The following HPS4 variants were observed in gnomAD, a reference collection of about 807,000 sequenced individuals.
HPS4 encodes the protein HPS4 biogenesis of lysosomal organelles complex 3 subunit 2, also known as BLOC-3 complex member HPS4.
HPS4 carries 44 observed loss-of-function variants against 70.3 expected under a neutral mutation model. The ratio of observed to expected loss-of-function variants is 0.63; its 90% CI spans 0.49 to 0.80. The LOEUF is 0.80. HPS4 is among the 30% of genes least tolerant of loss of function. The probability of loss-of-function intolerance (pLI) is 0.00; values close to 1 mark genes in which losing one functional copy is unlikely to be tolerated. For synonymous variants in HPS4, 377 were observed against 355.9 expected (o/e 1.06, Z -0.67); for missense variants, 873 against 884.4 (o/e 0.99, Z 0.16).
intron 1 of HPS4, 98 bp downstream of exon 1, chr22:26,483,576 T>C (rs572261491): frequency 1.2e-4 from 25 of 207,266 alleles, no homozygotes; most frequent in African/African-American, 4.4e-4. Context: ...GACTGGGAAA[T>C]GGTGGGCGAA....
downstream of HPS4, among the ~76,000 whole-genome samples, chr22:26,450,641 C>G (rs1193589087): frequency 2.6e-5 from 4 of 152,222 alleles, no homozygotes; most frequent in African/African-American, 9.6e-5. Flanking sequence ...ATAGTCCCCA[C>G]ATGTCGTGGG....
Position 26,453,168 on chromosome 22 carries a change from T to C in HPS4, c.*65A>G. ...AGAAAAATAAAATAGAGGGGCCTTT[T>C]CAATTATAAAAGGCAGAGCTTCCTT... On this transcript the variant is annotated 3_prime_UTR_variant, in exon 14 of 14. Transcript: ENST00000398145. The C allele has an allele frequency of 1.3e-6, 2 of 1,510,752 alleles. No homozygotes were observed. Among genetic ancestry groups the C allele is most frequent in the Non-Finnish European group, 1.8e-6 (2 of 1,094,546 alleles). The allele number at this position is 1,510,752 out of a possible 1,614,324, so 93.6% of individuals were successfully genotyped here.
downstream of HPS4, among the ~76,000 whole-genome samples, chr22:26,449,939 A>C (rs1478941972): frequency 6.6e-6 from 1 of 152,154 alleles, no homozygotes; most frequent in East Asian, 1.9e-4. Context: ...CGCACACTCT[A>C]GGGCAGAATC....
In HPS4 at chr22:26,453,165, T is replaced by C; in HGVS notation, c.*68A>G. On this transcript the variant is annotated 3_prime_UTR_variant, in exon 14 of 14. Transcript: ENST00000398145. ...TCAAGAAAAATAAAATAGAGGGGCC[T>C]TTTCAATTATAAAAGGCAGAGCTTC... 1 of 1,492,134 alleles carries C rather than the reference T, an allele frequency of 6.7e-7. No homozygotes were observed. Among genetic ancestry groups the C allele is most frequent in the African/African-American group, 1.4e-5 (1 of 72,184 alleles). The allele number at this position is 1,492,134 out of a possible 1,614,324, so 92.4% of individuals were successfully genotyped here. A position where few individuals can be genotyped will look rare whatever the true frequency, so the allele number is the denominator to read the frequency against.
At chr22:26,478,669 G>A (rs1351112546) in intron 3 of HPS4, among the ~76,000 whole-genome samples, 2 of 150,536 alleles carry the variant, frequency 1.3e-5, no homozygotes, top group Non-Finnish European at 3.0e-5. Flanking sequence ...TTTTGTATAT[G>A]TTTGAATACA....
chr22:26,465,590 AG>A lies in HPS4; in HGVS notation c.707-40del, dbSNP rs3216859. 231 of 1,542,366 alleles carry A rather than the reference AG, an allele frequency of 1.5e-4. No individual in the cohort carries two copies. The East Asian group carries it at 5.2e-3, about 35-fold the overall frequency. ...GCAATATGAACAGGACTTTCCCCTGAGCCAGAGAGGGCAGCGGGGCAATAGC... is the reference window on the plus strand; with the variant it reads ...GCAATATGAACAGGACTTTCCCCTGACCAGAGAGGGCAGCGGGGCAATAGC... On this transcript the variant is annotated intron_variant, in intron 9 of 13. Coordinates refer to ENST00000398145, the MANE Select transcript of HPS4 (RefSeq NM_022081.6).
At chr22:26,462,283 G>A (rs1464105706) in intron 11 of HPS4, among the ~76,000 whole-genome samples, 2 of 152,190 alleles carry the variant, frequency 1.3e-5, no homozygotes, top group Non-Finnish European at 2.9e-5. Flanking sequence ...CAAACCAGGG[G>A]ATATGGCCAT....
At chr22:26,466,174 T>C (rs934341634) in intron 9 of HPS4, 52 bp downstream of exon 9, 7 of 1,612,280 alleles carry the variant, frequency 4.3e-6, no homozygotes, top group East Asian at 2.2e-5. Context: ...CAGGGGTAGG[T>C]AGCATAAAAG....
downstream of HPS4, chr22:26,443,422 T>C (rs76832261): frequency 3.0e-4 from 149 of 502,214 alleles, no homozygotes; most frequent in Non-Finnish European, 4.7e-4. Context: ...TTTTTTTTTT[T>C]CCTTCCAATC....
chr22:26,466,286 T>C (rs1042981466), intron 8 of HPS4, 24 bp from the exon 9 acceptor site: 55 of 1,613,880 alleles, frequency 3.4e-5, no homozygotes, highest in African/African-American at 4.0e-5. Context: ...CACACAGAAG[T>C]TGGCGCTGGG....
chr22:26,471,299 T>C (rs995213101), intron 6 of HPS4: 8 of 451,486 alleles, frequency 1.8e-5, no homozygotes, highest in African/African-American at 1.4e-4. Flanking sequence ...CTCTATTCCA[T>C]CACATAAAAT....
intron 7 of HPS4, 44 bp from the exon 8 acceptor site, chr22:26,468,667 C>T: frequency 1.9e-6 from 3 of 1,556,974 alleles, no homozygotes; most frequent in Non-Finnish European, 2.7e-6. Context: ...AGACGAAATA[C>T]ACCAAAACAC....
Position 26,452,010 on chromosome 22 carries a change from A to ACG in HPS4, c.*1222_*1223insCG, listed in dbSNP as rs1568999095. ...TACGCGCGCGCGCGCGCGCGCACAC[A>ACG]CACACACACACACACACACACACAC... On this transcript the variant is annotated 3_prime_UTR_variant, in exon 14 of 14. Transcript: ENST00000398145. 4 of 169,334 alleles carry ACG rather than the reference A, an allele frequency of 2.4e-5. No individual in the cohort carries two copies. Among genetic ancestry groups the ACG allele is most frequent in the Admixed American group, 1.7e-4 (2 of 11,526 alleles). The allele number at this position is 169,334 out of a possible 1,614,324, so 10.5% of individuals were successfully genotyped here.
chr22:26,469,695 A>AG (rs1328493413), intron 7 of HPS4, among the ~76,000 whole-genome samples: 1 of 58,504 alleles, frequency 1.7e-5, no homozygotes, highest in Admixed American at 1.4e-4. Flanking sequence ...TACAAAAAAA[A>AG]AAAAAAGAAA....
At chr22:26,453,613 TG>T (rs2085567890) in intron 13 of HPS4, 5 of 623,114 alleles carry the variant, frequency 8.0e-6, no homozygotes, top group Middle Eastern at 4.3e-4. Flanking sequence ...CACTAGATGC[TG>T]GAAGAGTCCG....
In HPS4 at chr22:26,464,742, G is replaced by A. The variant is rs138343171; in HGVS notation, c.888C>T (p.Asn296=). The change falls in exon 11 of 14, where the codon AAC becomes AAT. Residue 296 remains asparagine, a synonymous_variant. Transcript: ENST00000398145. ...KGGSTSALKE[N]ATGHVESMAW... ...CCATGGATTCCACATGGCCAGTGGC[G>A]TTTTCTTTCAGGGCAGATGTGCTCC... The A allele has an allele frequency of 1.2e-3, 1,926 of 1,590,996 alleles. 4 individuals are homozygous for A. Among genetic ancestry groups the A allele is most frequent in the Middle Eastern group, 5.9e-3 (35 of 5,928 alleles).
chr22:26,479,181 C>G, intron 3 of HPS4, 84 bp downstream of exon 3: 1 of 1,302,222 alleles, frequency 7.7e-7, no homozygotes, highest in Non-Finnish European at 1.1e-6. Flanking sequence ...CCAAACTGTC[C>G]TAATGTAAAC....
downstream of HPS4, among the ~76,000 whole-genome samples, chr22:26,447,034 C>G (rs2084976454): frequency 6.6e-6 from 1 of 152,230 alleles, no homozygotes; most frequent in Non-Finnish European, 1.5e-5. Context: ...CCAGCAGCCA[C>G]TGCTTTTAAA....
chr22:26,479,176 CTGTCCTAA>C, intron 3 of HPS4, 81 bp downstream of exon 3: 1 of 1,231,248 alleles, frequency 8.1e-7, no homozygotes, highest in Non-Finnish European at 1.2e-6. Flanking sequence ...ATTAGCCAAA[CTGTCCTAA>C]TGTAAACCCC....
Sources: gnomAD v4.1 joint callset for allele counts (sites outside exome capture counted in the v4.1 genomes callset) on GRCh38, gnomAD v4.1.1 for gene constraint, MANE v1.5 for transcripts, NCBI Gene and HGNC (gene_info 2026-07-23, HGNC 2026-07-21) for gene names.